EFTUD2: variants seen among roughly 807,000 people sequenced by gnomAD.
The protein encoded by EFTUD2 is 116 kDa U5 small nuclear ribonucleoprotein component.
Under a neutral mutation model 114.3 loss-of-function variants are expected in EFTUD2, and 9 were observed. The ratio of observed to expected loss-of-function variants is 0.08; its 90% CI spans 0.05 to 0.14. The LOEUF is 0.14. EFTUD2 is among the 10% of genes least tolerant of loss of function. The pLI is 1.00. For missense variants in EFTUD2, 765 were observed against 1,241.2 expected (o/e 0.62, Z 5.76); for synonymous variants, 449 against 462.3 (o/e 0.97, Z 0.37).
At chr17:44,872,766 G>T in intron 10 of EFTUD2, 196 bp from the exon 11 acceptor site, 1 of 467,562 alleles carries the variant, frequency 2.1e-6, no homozygotes, top group Non-Finnish European at 3.5e-6. Context: ...CCAATAACAA[G>T]TTGATTTCCC....
intron 9 of EFTUD2, among the ~76,000 whole-genome samples, chr17:44,878,011 C>T (rs1161691218): frequency 2.6e-5 from 4 of 152,030 alleles, no homozygotes; most frequent in Admixed American, 2.0e-4. Context: ...TGGCGTGCAC[C>T]TGTAATCTCA....
chr17:44,863,595 G>A (rs1173642380), intron 15 of EFTUD2, 60 bp downstream of exon 15: 1 of 1,576,964 alleles, frequency 6.3e-7, no homozygotes, highest in African/African-American at 1.4e-5. Context: ...CCAGAAATCA[G>A]TATCCCCACA....
At chr17:44,893,772 G>C (rs2051324717) in intron 2 of EFTUD2, among the ~76,000 whole-genome samples, 1 of 131,882 alleles carries the variant, frequency 7.6e-6, no homozygotes. Flanking sequence ...AAAGGTGGGG[G>C]GGGGGGTGGG....
At chr17:44,881,539 GGAA>G (rs1335883878) in intron 7 of EFTUD2, 145 bp downstream of exon 7, 4 of 851,722 alleles carry the variant, frequency 4.7e-6, no homozygotes, top group Admixed American at 2.3e-5. Flanking sequence ...AGTAACTGGG[GGAA>G]GAAGGAGATG....
At chr17:44,868,084 G>A (rs751538799) in intron 12 of EFTUD2, among the ~76,000 whole-genome samples, 187 bp from the exon 13 acceptor site, 11 of 151,868 alleles carry the variant, frequency 7.2e-5, no homozygotes, top group Non-Finnish European at 1.3e-4. Context: ...CCTGAGCTGG[G>A]CTGTAAAGAC....
At position 44,857,138 on chromosome 17, in the gene EFTUD2, G is replaced by T. The variant is rs774001446; in HGVS notation, c.1982C>A (p.Thr661Lys). ...IDIKVADPVV[T>K]FCETVVETSS... The stretch of plus-strand genomic sequence containing the variant: ...TGTTTCCACCACCGTCTCACAAAAC[G>T]TGACAACTGGGTCAGCCACCTGGGA... Residue 661 changes from threonine (T) to lysine (K), a missense_variant, in exon 20 of 28, where the codon ACG (threonine) becomes AAG (lysine). Transcript: ENST00000426333. The T allele has an allele frequency of 6.2e-7, 1 of 1,613,886 alleles. No homozygotes were observed. Among genetic ancestry groups the T allele is most frequent in the Non-Finnish European group, 8.5e-7 (1 of 1,179,830 alleles).
chr17:44,892,337 T>G (rs2051294396), intron 2 of EFTUD2: 1 of 152,144 alleles, frequency 6.6e-6, no homozygotes, highest in Non-Finnish European at 1.5e-5. Flanking sequence ...AAATATATTT[T>G]AAGTTGAAAA....
intron 9 of EFTUD2, among the ~76,000 whole-genome samples, chr17:44,877,167 G>A (rs957321496): frequency 5.3e-5 from 8 of 151,920 alleles, no homozygotes; most frequent in African/African-American, 1.7e-4. Context: ...TTGCACTCCA[G>A]CCTGGGCCAG....
At chr17:44,860,889 A>T (rs2050645589) in intron 16 of EFTUD2, among the ~76,000 whole-genome samples, 2 of 152,226 alleles carry the variant, frequency 1.3e-5, no homozygotes, top group African/African-American at 2.4e-5. Context: ...GTGAGCCACC[A>T]CATCCAGCCT....
chr17:44,894,286 C>T (rs1377950732), intron 2 of EFTUD2, 131 bp downstream of exon 2: 2 of 720,526 alleles, frequency 2.8e-6, no homozygotes, highest in African/African-American at 3.5e-5. Context: ...GGGAGGATCA[C>T]TTAAGCCCAG....
chr17:44,885,084 A>G (rs1484384606), intron 4 of EFTUD2, among the ~76,000 whole-genome samples, 172 bp downstream of exon 4: 1 of 152,220 alleles, frequency 6.6e-6, no homozygotes, highest in Non-Finnish European at 1.5e-5. Context: ...CACCAAGAGA[A>G]AAGTTAAGAT....
At chr17:44,896,496 A>T (rs773345985) in intron 1 of EFTUD2, among the ~76,000 whole-genome samples, 9 of 152,078 alleles carry the variant, frequency 5.9e-5, no homozygotes, top group Non-Finnish European at 1.2e-4. Flanking sequence ...AAATACAAAA[A>T]ATTAGCCAGG....
chr17:44,860,517 G>C lies in EFTUD2; in HGVS notation c.1634C>G (p.Pro545Arg). 1.2e-6 allele frequency: 2 copies of C among 1,613,842 alleles called. No individual in the cohort carries two copies. The highest frequency in any genetic ancestry group is 1.7e-6 in the Non-Finnish European group (2 of 1,179,904). ...ARYHIEVNRV[P>R]AGNWVLIEGV... The stretch of plus-strand genomic sequence containing the variant: ...TTCAATCAGAACCCAGTTGCCAGCA[G>C]GAACACGGTTCACCTCGATGTGGTA... The change falls in exon 17 of 28, where the codon CCT becomes CGT. Residue 545 changes from proline to arginine, a missense_variant. Around this residue, in one of 6 missense-constraint regions of EFTUD2, gnomAD observed 149 missense variants for 245.1 expected, o/e 0.61. Coordinates refer to ENST00000426333, the MANE Select transcript of EFTUD2 (RefSeq NM_004247.4).
chr17:44,853,801 T>C (rs925405485), intron 23 of EFTUD2, 166 bp from the exon 24 acceptor site: 4 of 1,449,324 alleles, frequency 2.8e-6, no homozygotes, highest in African/African-American at 1.4e-5. Context: ...GCAAGGCCCA[T>C]GGCAGAGGTC....
At position 44,851,112 on chromosome 17, in the gene EFTUD2, C is replaced by T; in HGVS notation, c.*162G>A. On this transcript the variant is annotated 3_prime_UTR_variant, in exon 28 of 28. Transcript: ENST00000426333. ...AGCAGGAGGCCAAATGCTCCTCTCT[C>T]ACTGGGGCTCTGGGTTGGAGGTTGG... The T allele has an allele frequency of 3.1e-6, 2 of 640,562 alleles. No individual in the cohort carries two copies. Among genetic ancestry groups the T allele is most frequent in the Non-Finnish European group, 5.6e-6 (2 of 355,170 alleles). 39.7% of individuals were successfully genotyped at this position (640,562 alleles called of 1,614,324 possible).
chr17:44,892,944 A>G (rs1397382924), intron 2 of EFTUD2, among the ~76,000 whole-genome samples: 1 of 152,126 alleles, frequency 6.6e-6, no homozygotes, highest in Non-Finnish European at 1.5e-5. Context: ...CTTATTTTCA[A>G]AAAGAAAAAA....
At position 44,899,412 on chromosome 17, in the gene EFTUD2, T is replaced by C. The variant is rs1212634495; in HGVS notation, c.-48A>G. On this transcript the variant is annotated 5_prime_UTR_variant, in exon 1 of 28. Transcript: ENST00000426333. ...AGAGTTCCCAGGCCGCTGCCGGAGA[T>C]CGTGCTTCCGCCCCACGCCGAGGAA... 1.3e-5 allele frequency: 2 copies of C among 152,268 alleles called. No homozygotes were observed. Among genetic ancestry groups the C allele is most frequent in the African/African-American group, 4.8e-5 (2 of 41,414 alleles). 9.4% of individuals were successfully genotyped at this position (152,268 alleles called of 1,614,324 possible).
Position 44,850,352 on chromosome 17 carries a change from A to G in EFTUD2, c.*922T>C. 1.2e-6 allele frequency: 2 copies of G among 1,613,408 alleles called. No individual in the cohort carries two copies. Among genetic ancestry groups the G allele is most frequent in the Non-Finnish European group, 1.7e-6 (2 of 1,179,612 alleles). Reference sequence around the variant, plus strand: ...CACAGGTGCTGTGTACACAATGTACAGCGATTACGTCAAGAGGATGGCACA... The same window carrying G: ...CACAGGTGCTGTGTACACAATGTACGGCGATTACGTCAAGAGGATGGCACA... On this transcript the variant is annotated 3_prime_UTR_variant, in exon 28 of 28. Transcript: ENST00000426333.
chr17:44,875,888 C>G, intron 10 of EFTUD2, 46 bp downstream of exon 10: 1 of 1,596,774 alleles, frequency 6.3e-7, no homozygotes, highest in African/African-American at 1.3e-5. Flanking sequence ...AGGGTTAAAA[C>G]CCAGAGCCTC....
Sources: gnomAD v4.1 joint callset for allele counts (sites outside exome capture counted in the v4.1 genomes callset) on GRCh38, gnomAD v4.1.1 for gene constraint, gnomAD v4.1.1 regional missense constraint, MANE v1.5 for transcripts, NCBI Gene and HGNC (gene_info 2026-07-23, HGNC 2026-07-21) for gene names.